Variants in SUCO observed in about 807,000 individuals in gnomAD.
SUCO encodes SUN domain containing ossification factor.
In SUCO, 57 loss-of-function variants were observed where a neutral mutation model predicts 148.1. The ratio of observed to expected loss-of-function variants is 0.38; its 90% CI spans 0.31 to 0.48. The LOEUF is 0.48. Ranked by LOEUF, SUCO falls within the 20% of genes least tolerant of loss-of-function variation. The pLI is 0.96. For missense variants in SUCO, 1,331 were observed against 1,468.2 expected, an observed-to-expected ratio of 0.91 and a Z score of 1.53; for synonymous variants, 470 against 502.7, an observed-to-expected ratio of 0.93 and a Z score of 0.87.
chr1:172,589,471 A>G lies in SUCO; in HGVS notation c.2370A>G (p.Pro790=). 1.2e-6 allele frequency: 2 copies of G among 1,611,066 alleles called. No individual in the cohort carries two copies. The highest frequency in any genetic ancestry group is 1.1e-5 in the South Asian group (1 of 90,744). ...KSESFSSIEK[P]SITYETNKVN... ...AGAGCTTTAGTTCTATAGAGAAACC[A>G]TCTATTACCTATGAAACAAATAAAG... Residue 790 remains proline, a synonymous_variant, in exon 18 of 24, where the codon CCA becomes CCG. Transcript: ENST00000263688.
chr1:172,599,447 T>C (rs1369366647), intron 19 of SUCO: 2 of 830,874 alleles, frequency 2.4e-6, no homozygotes, highest in Non-Finnish European at 2.9e-6. Flanking sequence ...ATAAGACATC[T>C]TTGTTGATTA....
intron 19 of SUCO, 53 bp downstream of exon 19, chr1:172,591,124 G>T: frequency 1.5e-6 from 2 of 1,371,244 alleles, no homozygotes; most frequent in South Asian, 2.5e-5. Context: ...ACTGAATTCT[G>T]TAGGGTCTCA....
rs1658143600 is a variant in SUCO, at chr1:172,610,403, A to G, written c.*144A>G. ...TATGGTTTCTACCTTTTTAAAAAGT[A>G]GATGGGATTGTGTCAATCTTGGTTA... is the stretch of plus-strand genomic sequence containing the variant. On this transcript the variant is annotated 3_prime_UTR_variant, in exon 24 of 24. Coordinates refer to ENST00000263688, the MANE Select transcript of SUCO (RefSeq NM_014283.5). 6 of 1,299,474 alleles carry G rather than the reference A, an allele frequency of 4.6e-6. No homozygotes were observed. The highest frequency in any genetic ancestry group is 6.1e-6 in the Non-Finnish European group (6 of 984,456). 80.5% of individuals were successfully genotyped at this position (1,299,474 alleles called of 1,614,324 possible). A position where few individuals can be genotyped will look rare whatever the true frequency, so the allele number is the denominator to read the frequency against.
intron 10 of SUCO, chr1:172,575,024 A>G: frequency 3.3e-6 from 1 of 307,322 alleles, no homozygotes; most frequent in Non-Finnish European, 4.8e-6. Flanking sequence ...GAGTTCTTAT[A>G]ATGTTTCAGT....
Position 172,570,671 on chromosome 1 carries a change from T to G in SUCO, c.990T>G (p.Ser330=), listed in dbSNP as rs775903232. Reference sequence around the variant, plus strand: ...TCCTCTTTTTAAAATAGAGCACATCTGCTATTCTTATAGAAAATATGGATC... The same window carrying G: ...TCCTCTTTTTAAAATAGAGCACATCGGCTATTCTTATAGAAAATATGGATC... ...LAANPEAKST[S]AILIENMDLY... is the part of the protein sequence containing the mutation. Residue 330 remains serine, a synonymous_variant, in exon 9 of 24, where the codon TCT becomes TCG. Transcript: ENST00000263688. The G allele has an allele frequency of 3.1e-6, 5 of 1,597,236 alleles. No homozygotes were observed. In the South Asian group the frequency reaches 4.4e-5, roughly 14 times the overall value.
chr1:172,590,712 G>A lies in SUCO; in HGVS notation c.2826-272G>A, dbSNP rs145543823. Among the ~76,000 whole-genome samples, 569 of 151,656 alleles carry A rather than the reference G, an allele frequency of 3.8e-3. 4 individuals are homozygous for A. Among genetic ancestry groups the A allele is most frequent in the Middle Eastern group, 0.014 (4 of 292 alleles). ...TACATAGAATTAATTGGCTAATCAT[G>A]TGTGTGTGTGTGTTCATGTGTAACA... On this transcript the variant is annotated intron_variant, in intron 18 of 23. Coordinates refer to ENST00000263688, the MANE Select transcript of SUCO (RefSeq NM_014283.5).
At chr1:172,606,271 C>T (rs1321056568) in intron 22 of SUCO, among the ~76,000 whole-genome samples, 1 of 112,530 alleles carries the variant, frequency 8.9e-6, no homozygotes, top group Non-Finnish European at 1.8e-5. Context: ...GCAGGGGTAT[C>T]CCTTTTAATT....
intron 19 of SUCO, among the ~76,000 whole-genome samples, chr1:172,598,400 T>C (rs1657272442): frequency 6.6e-6 from 1 of 152,226 alleles, no homozygotes; most frequent in South Asian, 2.1e-4. Flanking sequence ...TTTTATTCTT[T>C]TACAAGATTG....
chr1:172,594,792 T>C (rs1008969756), intron 19 of SUCO, among the ~76,000 whole-genome samples: 1 of 152,248 alleles, frequency 6.6e-6, no homozygotes, highest in African/African-American at 2.4e-5. Flanking sequence ...GTCTATTAAG[T>C]TGGCTCAGTG....
intron 19 of SUCO, among the ~76,000 whole-genome samples, chr1:172,595,605 C>T (rs540378560): frequency 1.3e-5 from 2 of 152,144 alleles, no homozygotes; most frequent in African/African-American, 2.4e-5. Flanking sequence ...AATATTGGCC[C>T]CCACTCTCTT....
In SUCO at chr1:172,610,770, T is replaced by C. The variant is rs1658165783; in HGVS notation, c.*511T>C. ...TGTGCCTGAAGCTCAGGAGTGTGGA[T>C]CAGACAGTCTAAAGATCCTAAAAAC... On this transcript the variant is annotated 3_prime_UTR_variant, in exon 24 of 24. Transcript: ENST00000263688. The C allele has an allele frequency of 6.5e-6, 1 of 152,758 alleles. No individual in the cohort carries two copies. Among genetic ancestry groups the C allele is most frequent in the Admixed American group, 6.5e-5 (1 of 15,278 alleles). The allele number at this position is 152,758 out of a possible 1,614,324, so 9.5% of individuals were successfully genotyped here. A position where few individuals can be genotyped will look rare whatever the true frequency, so the allele number is the denominator to read the frequency against.
intron 9 of SUCO, 49 bp downstream of exon 9, chr1:172,570,779 T>G: frequency 3.5e-6 from 4 of 1,131,382 alleles, no homozygotes; most frequent in South Asian, 2.6e-5. Flanking sequence ...TATATGCATA[T>G]TATGTTAAGC....
chr1:172,541,268 T>C (rs12724887), intron 1 of SUCO, among the ~76,000 whole-genome samples: 28,737 of 152,128 alleles, frequency 0.19, 3,164 homozygotes, highest in South Asian at 0.27. Flanking sequence ...AAATCACCTC[T>C]AGATACTTAT....
At chr1:172,606,850 C>T (rs1461441750) in intron 22 of SUCO, among the ~76,000 whole-genome samples, 4 of 151,702 alleles carry the variant, frequency 2.6e-5, no homozygotes, top group South Asian at 2.1e-4. Flanking sequence ...ATTACTTCTC[C>T]GTATATCTTC....
chr1:172,609,962 T>G lies in SUCO; in HGVS notation c.3468T>G (p.Ser1156=), dbSNP rs1301196091. Residue 1156 remains serine, a synonymous_variant, in exon 24 of 24, where the codon TCT becomes TCG. Transcript: ENST00000263688. ...CTAATATGGGAGAAGTTTATCACTCTTCTTATAAAGGTCCTCCATCTGAAG... is the reference window on the plus strand; with the variant it reads ...CTAATATGGGAGAAGTTTATCACTCGTCTTATAAAGGTCCTCCATCTGAAG... ...DFSNMGEVYH[S]SYKGPPSEGS... is the part of the protein sequence containing the mutation. 1.2e-6 allele frequency: 2 copies of G among 1,613,852 alleles called. No individual in the cohort carries two copies. Among genetic ancestry groups the G allele is most frequent in the Admixed American group, 3.3e-5 (2 of 59,980 alleles).
intron 20 of SUCO, among the ~76,000 whole-genome samples, 191 bp downstream of exon 20, chr1:172,600,359 T>C (rs944778760): frequency 2.6e-5 from 4 of 152,224 alleles, no homozygotes; most frequent in Admixed American, 6.5e-5. Flanking sequence ...TTTTGTAAAA[T>C]ATGGCTTTCA....
Position 172,533,212 on chromosome 1 carries a change from G to T in SUCO, c.-224G>T. On this transcript the variant is annotated 5_prime_UTR_variant, in exon 1 of 24. Coordinates refer to ENST00000263688, the MANE Select transcript of SUCO (RefSeq NM_014283.5). ...ACGAGCCGGTGGCTGCAGCGGCGGC[G>T]GTCCCCGGAGTCCTGTGAAGCGCCC... 6.6e-7 allele frequency: 1 copy of T among 1,520,566 alleles called. No homozygotes were observed. The highest frequency in any genetic ancestry group is 1.4e-5 in the African/African-American group (1 of 71,740). 94.2% of individuals were successfully genotyped at this position (1,520,566 alleles called of 1,614,324 possible).
chr1:172,551,428 A>G (rs1320316310), intron 1 of SUCO, 84 bp from the exon 2 acceptor site: 3 of 762,006 alleles, frequency 3.9e-6, no homozygotes, highest in Non-Finnish European at 4.2e-6. Flanking sequence ...TCTAGCCCAT[A>G]TAGAAATATG....
chr1:172,579,241 C>CA lies in SUCO; in HGVS notation c.1478dup (p.Asn493LysfsTer19). The CA allele has an allele frequency of 6.3e-7, 1 of 1,599,182 alleles. No homozygotes were observed. Among genetic ancestry groups the CA allele is most frequent in the Non-Finnish European group, 8.6e-7 (1 of 1,168,946 alleles). ...TATAATACTGGAGAGGATAAATCCT[C>CA]AAAAAATCTTCTTGGTTCTGCTACA... On this transcript the variant is annotated frameshift_variant, in exon 15 of 24. Transcript: ENST00000263688. LOFTEE classifies it high-confidence loss of function.
Sources: allele counts gnomAD v4.1 joint callset (sites outside exome capture counted in the v4.1 genomes callset), GRCh38; gene constraint gnomAD v4.1.1; transcripts MANE v1.5; gene names NCBI Gene and HGNC (gene_info 2026-07-23, HGNC 2026-07-21).